The following DEPTOR variants were observed in gnomAD, a reference collection of about 807,000 sequenced individuals.
DEPTOR encodes the protein DEP domain-containing mTOR-interacting protein.
Under a neutral mutation model 41.6 loss-of-function variants are expected in DEPTOR, and 41 were observed. The ratio of observed to expected loss-of-function variants is 0.98; its 90% CI spans 0.77 to 1.28. DEPTOR has a LOEUF of 1.28. DEPTOR is among the 50% of genes most tolerant of loss of function. DEPTOR has a pLI of 0.00. For synonymous variants in DEPTOR, 195 were observed against 192.3 expected, an observed-to-expected ratio of 1.01 and a Z score of -0.12; for missense variants, 514 against 527.9, an observed-to-expected ratio of 0.97 and a Z score of 0.26.
intron 2 of DEPTOR, among the ~76,000 whole-genome samples, chr8:119,928,811 G>A (rs1321614188): frequency 2.8e-5 from 4 of 142,440 alleles, no homozygotes; most frequent in African/African-American, 7.9e-5. Flanking sequence ...GGCTGGTCTC[G>A]AACTCCTGAC....
intron 4 of DEPTOR, among the ~76,000 whole-genome samples, chr8:119,977,800 C>T (rs1182013880): frequency 6.6e-6 from 1 of 152,034 alleles, no homozygotes; most frequent in Non-Finnish European, 1.5e-5. Context: ...GTGTTATGCA[C>T]ACAGACGAGA....
intron 4 of DEPTOR, among the ~76,000 whole-genome samples, chr8:119,970,113 A>G (rs543066577): frequency 1.3e-5 from 2 of 152,310 alleles, no homozygotes; most frequent in South Asian, 4.1e-4. Context: ...ATGTGGATAT[A>G]TATATATGCA....
At chr8:119,974,986 AGAG>A (rs982036488) in intron 4 of DEPTOR, among the ~76,000 whole-genome samples, 6 of 152,118 alleles carry the variant, frequency 3.9e-5, no homozygotes, top group Admixed American at 2.0e-4. Context: ...CCTGGTGCAG[AGAG>A]GGAGAGACCT....
chr8:120,025,922 G>A (rs766492161), intron 8 of DEPTOR, among the ~76,000 whole-genome samples: 15 of 151,164 alleles, frequency 9.9e-5, no homozygotes, highest in Non-Finnish European at 1.5e-4. Context: ...TTCCTCCTAC[G>A]TTACCTCCAT....
chr8:120,003,689 C>G (rs567108567), intron 6 of DEPTOR, among the ~76,000 whole-genome samples: 1 of 152,242 alleles, frequency 6.6e-6, no homozygotes, highest in East Asian at 1.9e-4. Context: ...CCCAGCTATC[C>G]CTGGAATTGA....
At chr8:119,893,002 C>T (rs551240507) in intron 1 of DEPTOR, among the ~76,000 whole-genome samples, 389 of 152,168 alleles carry the variant, frequency 2.6e-3, no homozygotes, top group Non-Finnish European at 4.1e-3. Context: ...AGGCTGGTCT[C>T]GAACTCCTGT....
chr8:119,937,118 A>G (rs1828123340), intron 3 of DEPTOR, among the ~76,000 whole-genome samples: 1 of 152,086 alleles, frequency 6.6e-6, no homozygotes, highest in Non-Finnish European at 1.5e-5. Flanking sequence ...CTGTAATAAA[A>G]ATATTTTCTG....
intron 8 of DEPTOR, among the ~76,000 whole-genome samples, chr8:120,018,192 C>A (rs1376289195): frequency 1.3e-5 from 2 of 152,158 alleles, no homozygotes; most frequent in Non-Finnish European, 2.9e-5. Flanking sequence ...ACTAAAGAAG[C>A]AAATTGTGAA....
chr8:120,035,207 C>T (rs990187615), intron 8 of DEPTOR, among the ~76,000 whole-genome samples: 2 of 152,040 alleles, frequency 1.3e-5, no homozygotes, highest in Non-Finnish European at 2.9e-5. Flanking sequence ...GTAGTCCCAG[C>T]TACTCAGGAG....
chr8:120,004,059 A>G (rs778565945), intron 6 of DEPTOR, among the ~76,000 whole-genome samples: 2 of 152,362 alleles, frequency 1.3e-5, no homozygotes, highest in Non-Finnish European at 2.9e-5. Flanking sequence ...CCTCATCATC[A>G]GATCTTGGGG....
Position 120,009,123 on chromosome 8 carries a change from C to A in DEPTOR, c.1091C>A (p.Ala364Glu). ...GACCCCAGTGGCCCTGCAGCCGCAG[C>A]AGGAATGAAGGTACTAACGGGTCTT... ...AVDPSGPAAAAGMKVCQFVVS... is the reference protein window; with the variant it reads ...AVDPSGPAAAEGMKVCQFVVS... The change falls in exon 8 of 9, where the codon GCA (alanine) becomes GAA (glutamate). Residue 364 changes from alanine to glutamate, a missense_variant. Transcript: ENST00000286234. 1 of 1,613,828 alleles carries A rather than the reference C, an allele frequency of 6.2e-7. No homozygotes were observed. The highest frequency in any genetic ancestry group is 8.5e-7 in the Non-Finnish European group (1 of 1,179,910).
intron 8 of DEPTOR, among the ~76,000 whole-genome samples, chr8:120,038,406 C>T (rs1205196171): frequency 6.6e-6 from 1 of 151,730 alleles, no homozygotes; most frequent in East Asian, 1.9e-4. Flanking sequence ...TCAAGAGCAG[C>T]CTGGGCAACA....
At chr8:119,879,682 G>A (rs1433393379) in intron 1 of DEPTOR, among the ~76,000 whole-genome samples, 1 of 151,954 alleles carries the variant, frequency 6.6e-6, no homozygotes, top group Non-Finnish European at 1.5e-5. Flanking sequence ...TGACACTCCA[G>A]CCTGGGTGAC....
chr8:119,884,437 A>T (rs914137617), intron 1 of DEPTOR, among the ~76,000 whole-genome samples: 1 of 152,198 alleles, frequency 6.6e-6, no homozygotes, highest in South Asian at 2.1e-4. Flanking sequence ...GCGAGTCGTG[A>T]GTGGTGTCCG....
chr8:119,948,184 T>C (rs1399105202), intron 3 of DEPTOR, among the ~76,000 whole-genome samples: 14 of 152,236 alleles, frequency 9.2e-5, no homozygotes, highest in Admixed American at 8.5e-4. Context: ...CATCTGATAG[T>C]AGGCAACTTA....
chr8:120,035,329 GAAA>G (rs1812964133), intron 8 of DEPTOR, among the ~76,000 whole-genome samples: 2 of 61,206 alleles, frequency 3.3e-5, no homozygotes, highest in East Asian at 5.1e-4. Flanking sequence ...AGAAAAAAAA[GAAA>G]GAAAGAAAGA....
At chr8:119,889,652 T>TGGGGAGGGGAGGGGAGGGG (rs1827424939) in intron 1 of DEPTOR, among the ~76,000 whole-genome samples, 1 of 9,562 alleles carries the variant, frequency 1.0e-4, no homozygotes, top group Non-Finnish European at 1.9e-4. Context: ...GAGGGGAGGA[T>TGGGGAGGGGAGGGGAGGGG]GGGGAGGGGA....
chr8:120,028,229 C>T (rs7817365), intron 8 of DEPTOR, among the ~76,000 whole-genome samples: 22,404 of 151,376 alleles, frequency 0.15, 2,464 homozygotes, highest in African/African-American at 0.31. Flanking sequence ...GATCTTGGCT[C>T]ACTGCAACCT....
At chr8:119,928,651 T>G in intron 2 of DEPTOR, 73 bp downstream of exon 2, 1 of 1,491,556 alleles carries the variant, frequency 6.7e-7, no homozygotes, top group Non-Finnish European at 9.0e-7. Flanking sequence ...CATACCCACT[T>G]AAGAAAGAAA....
Sources: allele counts gnomAD v4.1 joint callset (sites outside exome capture counted in the v4.1 genomes callset), GRCh38; gene constraint gnomAD v4.1.1; transcripts MANE v1.5; gene names NCBI Gene and HGNC (gene_info 2026-07-23, HGNC 2026-07-21).